The following PRMT3 variants were observed in gnomAD, a reference collection of about 807,000 sequenced individuals.
The protein encoded by PRMT3 is protein arginine N-methyltransferase 3.
PRMT3 carries 62 observed loss-of-function variants against 71.9 expected under a neutral mutation model. The ratio of observed to expected loss-of-function variants is 0.86; its 90% CI spans 0.70 to 1.07. PRMT3 has a LOEUF of 1.07. Among genes scored for constraint, PRMT3 ranks in the 50% least tolerant of loss-of-function variants. PRMT3 has a pLI of 0.00. For missense variants in PRMT3, 663 were observed against 643.0 expected (o/e 1.03, Z -0.34); for synonymous variants, 213 against 220.4 (o/e 0.97, Z 0.30).
Position 20,504,468 on chromosome 11 carries a change from A to AT in PRMT3, c.1487-3832dup, listed in dbSNP as rs1253552012. 3.3e-5 allele frequency among the ~76,000 whole-genome samples: 5 copies of AT among 152,272 alleles called. No individual in the cohort carries two copies. The East Asian group carries it at 9.7e-4, about 29-fold the overall frequency. ...CTAGGTCCTTTATATTGCCATATAA[A>AT]TTTTAAAATCAGCTCATTAATTTCT... On this transcript the variant is annotated intron_variant, in intron 15 of 15. Transcript: ENST00000331079.
intron 13 of PRMT3, among the ~76,000 whole-genome samples, chr11:20,485,688 C>T (rs894316986): frequency 2.6e-5 from 4 of 151,966 alleles, no homozygotes; most frequent in African/African-American, 7.3e-5. Context: ...CAAGAAATAA[C>T]GTAGATACAA....
At chr11:20,492,059 G>A (rs1851220202) in intron 13 of PRMT3, among the ~76,000 whole-genome samples, 1 of 152,056 alleles carries the variant, frequency 6.6e-6, no homozygotes, top group Non-Finnish European at 1.5e-5. Flanking sequence ...CATTGTATTG[G>A]GTAAGGGGCA....
chr11:20,478,766 A>G (rs1850858804), intron 13 of PRMT3, among the ~76,000 whole-genome samples: 1 of 152,208 alleles, frequency 6.6e-6, no homozygotes. Flanking sequence ...TAATGGCTTA[A>G]GAAAAAACTT....
chr11:20,455,660 T>TG (rs1418054906), intron 11 of PRMT3, among the ~76,000 whole-genome samples: 1 of 151,546 alleles, frequency 6.6e-6, no homozygotes, highest in Non-Finnish European at 1.5e-5. Flanking sequence ...GGGTGCAGGA[T>TG]GGGGGGTAGC....
intron 9 of PRMT3, among the ~76,000 whole-genome samples, chr11:20,417,980 A>G (rs542050243): frequency 3.9e-5 from 6 of 152,304 alleles, no homozygotes; most frequent in African/African-American, 1.2e-4. Flanking sequence ...CCGTAAGTGC[A>G]TGGACTGTGT....
intron 15 of PRMT3, among the ~76,000 whole-genome samples, chr11:20,497,842 G>C (rs116475588): frequency 0.019 from 2,923 of 152,198 alleles, 113 homozygotes; most frequent in African/African-American, 0.067. Flanking sequence ...AAGCCTTGAA[G>C]GGAAAAGAAC....
intron 7 of PRMT3, among the ~76,000 whole-genome samples, chr11:20,399,044 T>C (rs543601122): frequency 6.6e-6 from 1 of 152,374 alleles, no homozygotes; most frequent in East Asian, 1.9e-4. Context: ...GATGTAATTT[T>C]TAGTTCAGTG....
intron 12 of PRMT3, among the ~76,000 whole-genome samples, chr11:20,462,948 C>A (rs1404642821): frequency 4.6e-5 from 7 of 152,012 alleles, no homozygotes; most frequent in Non-Finnish European, 8.8e-5. Flanking sequence ...TCACTGCAAT[C>A]TCCGCCTCCC....
At chr11:20,411,639 A>C (rs1011118521) in intron 9 of PRMT3, among the ~76,000 whole-genome samples, 1 of 152,142 alleles carries the variant, frequency 6.6e-6, no homozygotes, top group African/African-American at 2.4e-5. Flanking sequence ...CATTTGTGAC[A>C]AAGATCACTA....
intron 13 of PRMT3, among the ~76,000 whole-genome samples, chr11:20,490,587 A>G (rs1851183580): frequency 6.6e-6 from 1 of 151,976 alleles, no homozygotes; most frequent in South Asian, 2.1e-4. Flanking sequence ...AGCTAATAAG[A>G]GCTTTTGTGA....
At chr11:20,471,394 A>C (rs1338644702) in intron 13 of PRMT3, among the ~76,000 whole-genome samples, 2 of 152,110 alleles carry the variant, frequency 1.3e-5, no homozygotes, top group Non-Finnish European at 2.9e-5. Flanking sequence ...ATTTTTGTGT[A>C]TGGTGTAAGG....
chr11:20,484,680 C>A (rs572373442), intron 13 of PRMT3, among the ~76,000 whole-genome samples: 1 of 152,282 alleles, frequency 6.6e-6, no homozygotes, highest in African/African-American at 2.4e-5. Context: ...CCCATTAAAC[C>A]TCTTTCTTTT....
rs191059402 is a variant in PRMT3, at chr11:20,496,695, T to G, written c.1486+2441T>G. ...TTGTAAAAAATTGGAGGAACTCTGA[T>G]AGATTTTACAAAGCTGAGTGGTGGG... On this transcript the variant is annotated intron_variant, in intron 15 of 15. Coordinates refer to ENST00000331079, the MANE Select transcript of PRMT3 (RefSeq NM_005788.4). Among the ~76,000 whole-genome samples the G allele has an allele frequency of 3.6e-3, 545 of 152,200 alleles. 4 individuals are homozygous for G. Among genetic ancestry groups the G allele is most frequent in the South Asian group, 0.021 (103 of 4,824 alleles).
chr11:20,455,026 G>A (rs1034309286), intron 11 of PRMT3, among the ~76,000 whole-genome samples: 3 of 152,042 alleles, frequency 2.0e-5, no homozygotes, highest in Non-Finnish European at 2.9e-5. Context: ...TACTAGCAAC[G>A]ATTTCTACTA....
intron 9 of PRMT3, among the ~76,000 whole-genome samples, chr11:20,408,460 T>G (rs1849121201): frequency 6.6e-6 from 1 of 152,148 alleles, no homozygotes; most frequent in African/African-American, 2.4e-5. Context: ...GTAACAACAC[T>G]AGTCCATGTA....
chr11:20,474,547 G>A (rs1850732497), intron 13 of PRMT3, among the ~76,000 whole-genome samples: 1 of 152,178 alleles, frequency 6.6e-6, no homozygotes, highest in South Asian at 2.1e-4. Context: ...ACTCTATACA[G>A]GTGCTATGTA....
chr11:20,420,061 A>G (rs1849392692), intron 9 of PRMT3, among the ~76,000 whole-genome samples: 1 of 152,152 alleles, frequency 6.6e-6, no homozygotes, highest in Admixed American at 6.5e-5. Flanking sequence ...AATCCCAGCT[A>G]CTTGGGAGGC....
intron 13 of PRMT3, among the ~76,000 whole-genome samples, chr11:20,466,430 C>CT (rs1463657508): frequency 6.6e-6 from 1 of 152,210 alleles, no homozygotes; most frequent in East Asian, 1.9e-4. Flanking sequence ...AAACCCTTTA[C>CT]TACCATCCTG....
chr11:20,494,508 A>G (rs1851289258), intron 15 of PRMT3, among the ~76,000 whole-genome samples: 1 of 152,040 alleles, frequency 6.6e-6, no homozygotes, highest in Non-Finnish European at 1.5e-5. Context: ...TAATGTTTGT[A>G]TTTTTAGTAG....
Sources: allele counts gnomAD v4.1 joint callset (sites outside exome capture counted in the v4.1 genomes callset), GRCh38; gene constraint gnomAD v4.1.1; transcripts MANE v1.5; gene names NCBI Gene and HGNC (gene_info 2026-07-23, HGNC 2026-07-21).